The following ANPEP variants were observed in gnomAD, a reference collection of about 807,000 sequenced individuals.
ANPEP encodes aminopeptidase N.
In ANPEP, 70 loss-of-function variants were observed where a neutral mutation model predicts 114.6. The observed-to-expected ratio is 0.61, with a 90% confidence interval of 0.50 to 0.75. The LOEUF (loss-of-function observed/expected upper bound fraction) is 0.75, where lower values mean the gene tolerates loss of function less well. Ranked by LOEUF, ANPEP falls within the 30% of genes least tolerant of loss-of-function variation. The pLI, the probability that ANPEP is intolerant of heterozygous loss-of-function variation, is 0.00. For missense variants in ANPEP, 1,184 were observed against 1,259.5 expected (o/e 0.94, Z 0.91); for synonymous variants, 548 against 522.3 (o/e 1.05, Z -0.67).
Position 89,804,304 on chromosome 15 carries a change from G to A in ANPEP, c.1128C>T (p.Ser376=), listed in dbSNP as rs763610042. 1.2e-6 allele frequency: 2 copies of A among 1,614,086 alleles called. No individual in the cohort carries two copies. Among genetic ancestry groups the A allele is most frequent in the Non-Finnish European group, 1.7e-6 (2 of 1,180,046 alleles). Residue 376 remains serine (S), a synonymous_variant, in exon 6 of 21, where the codon AGC becomes AGT. Coordinates refer to ENST00000300060, the MANE Select transcript of ANPEP (RefSeq NM_001150.3). The part of the protein sequence containing the change: ...SLLFDPLSSS[S]SNKERVVTVI... ...CAGTGACCACCCGCTCCTTGTTGCT[G>A]CTGGAGGAGGACAGGGGGTCGAACA...
rs1894651194 is a variant in ANPEP at position 89,803,920 on chromosome 15, C to T, written c.1262G>A (p.Gly421Asp). ...EGFASYVEYL[G>D]ADYAEPTWNL... ...CCAGGTGGGCTCCGCATAGTCAGCACCCAGGTACTCCACGTAGGAGGCGAA... is the reference window on the plus strand; with the variant it reads ...CCAGGTGGGCTCCGCATAGTCAGCATCCAGGTACTCCACGTAGGAGGCGAA... The change falls in exon 7 of 21, where the codon GGT (glycine) becomes GAT (aspartate). Residue 421 changes from glycine (G) to aspartate (D), a missense_variant. Coordinates refer to ENST00000300060, the MANE Select transcript of ANPEP (RefSeq NM_001150.3). The surrounding 1 kb of genome is among the most constrained non-coding windows in gnomAD (Gnocchi z 4.2). The T allele has an allele frequency of 6.2e-7, 1 of 1,614,058 alleles. No homozygotes were observed. The highest frequency in any genetic ancestry group is 2.2e-5 in the East Asian group (1 of 44,886).
intron 15 of ANPEP, among the ~76,000 whole-genome samples, chr15:89,796,792 C>T (rs1019776240): frequency 1.8e-4 from 28 of 152,136 alleles, no homozygotes; most frequent in African/African-American, 5.1e-4. Flanking sequence ...CCACTGCACC[C>T]GGCCTGATAA....
intron 1 of ANPEP, among the ~76,000 whole-genome samples, chr15:89,812,273 T>C (rs1371066519): frequency 6.6e-6 from 1 of 152,234 alleles, no homozygotes; most frequent in Non-Finnish European, 1.5e-5. Context: ...CTGTGAACTA[T>C]GAGACTGGGA....
chr15:89,788,760 C>G (rs937426357), intron 20 of ANPEP, among the ~76,000 whole-genome samples: 2 of 146,352 alleles, frequency 1.4e-5, no homozygotes, highest in Non-Finnish European at 3.0e-5. Context: ...ACCACCATGC[C>G]CAGCTTATTT....
At chr15:89,809,118 C>T (rs994917121) in intron 1 of ANPEP, among the ~76,000 whole-genome samples, 4 of 152,314 alleles carry the variant, frequency 2.6e-5, no homozygotes, top group South Asian at 2.1e-4. Context: ...CCAGCTTGGG[C>T]GTGGTGAGAG....
rs556877083 is a variant in ANPEP, at chr15:89,803,588, G to T, written c.1437+59C>A. 6.9e-6 allele frequency: 11 copies of T among 1,601,020 alleles called. No homozygotes were observed. In the South Asian group the frequency reaches 1.2e-4, roughly 18 times the overall value. ...TGCCCCCAGACCCTGCCTTCAGTGA[G>T]GCCCCTCCAGGCCAAGTCCCCACCT... On this transcript the variant is annotated intron_variant, in intron 8 of 20. Coordinates refer to ENST00000300060, the MANE Select transcript of ANPEP (RefSeq NM_001150.3). This position sits in a 1 kb window ranked among gnomAD's most constrained non-coding sequence, Gnocchi z 4.2.
intron 16 of ANPEP, 25 bp downstream of exon 16, chr15:89,793,010 C>G: frequency 6.2e-7 from 1 of 1,605,080 alleles, no homozygotes; most frequent in Non-Finnish European, 8.5e-7. Context: ...CCAGGACTTC[C>G]AAACCCATGA....
chr15:89,806,524 C>A lies in ANPEP; in HGVS notation c.60G>T (p.Val20=). The change falls in exon 2 of 21, where the codon GTG becomes GTT. Residue 20 remains valine, a synonymous_variant. Transcript: ENST00000300060. The surrounding 1 kb of genome is among the most constrained non-coding windows in gnomAD (Gnocchi z 5.7). ...GTGCGATGATTGTGCACACGGCTGC[C>A]ACGCCCAGGAGGATCCCCAGGATGC... The part of the protein sequence containing the change: ...SLGILGILLG[V]AAVCTIIALS... 6.2e-7 allele frequency: 1 copy of A among 1,613,744 alleles called. No homozygotes were observed. Among genetic ancestry groups the A allele is most frequent in the Non-Finnish European group, 8.5e-7 (1 of 1,179,742 alleles).
chr15:89,800,718 C>T lies in ANPEP; in HGVS notation c.1819+393G>A, dbSNP rs951693118. ...CTGGGATTACAGGCATGCACCACCA[C>T]ACCTGGCTAATTTTGTATTTTTAGT... On this transcript the variant is annotated intron_variant, in intron 12 of 20. Coordinates refer to ENST00000300060, the MANE Select transcript of ANPEP (RefSeq NM_001150.3). Among the ~76,000 whole-genome samples, 69 of 152,064 alleles carry T rather than the reference C, an allele frequency of 4.5e-4. 2 individuals carry two copies. Among genetic ancestry groups the T allele is most frequent in the Non-Finnish European group, 1.5e-5 (1 of 68,000 alleles).
chr15:89,809,161 G>A (rs558853267), intron 1 of ANPEP, among the ~76,000 whole-genome samples: 5 of 152,320 alleles, frequency 3.3e-5, no homozygotes, highest in Admixed American at 2.6e-4. Flanking sequence ...ATGCTGCCAG[G>A]CTCCTCCCAT....
intron 20 of ANPEP, among the ~76,000 whole-genome samples, chr15:89,787,999 G>A (rs1040646065): frequency 6.6e-6 from 1 of 152,226 alleles, no homozygotes; most frequent in East Asian, 1.9e-4. Flanking sequence ...TGTAGACATG[G>A]AGCAATTAGA....
chr15:89,790,922 G>A (rs768013713), intron 19 of ANPEP, 31 bp downstream of exon 19: 16 of 1,608,798 alleles, frequency 9.9e-6, no homozygotes, highest in Middle Eastern at 3.3e-4. Flanking sequence ...CTCGGCGCTC[G>A]CTGTCCCTGA....
chr15:89,786,600 G>C (rs1270554360), intron 20 of ANPEP, among the ~76,000 whole-genome samples: 1 of 151,970 alleles, frequency 6.6e-6, no homozygotes, highest in African/African-American at 2.4e-5. Flanking sequence ...GGTTGAGGTG[G>C]GGGGATCACC....
intron 14 of ANPEP, among the ~76,000 whole-genome samples, chr15:89,798,895 C>T (rs1026887912): frequency 3.3e-5 from 5 of 152,162 alleles, no homozygotes; most frequent in East Asian, 1.9e-4. Context: ...GCTGAGATCG[C>T]GCCACTGTAC....
rs890795933 is a variant in ANPEP, at chr15:89,785,243, G to C, written c.*106C>G. ...GCTGGAGACTTTGTCCTTGAGGGGA[G>C]GACACTGGTGCCTCGGGCTCCAGGA... On this transcript the variant is annotated 3_prime_UTR_variant, in exon 21 of 21. Coordinates refer to ENST00000300060, the MANE Select transcript of ANPEP (RefSeq NM_001150.3). The C allele has an allele frequency of 2.8e-6, 4 of 1,431,402 alleles. No individual in the cohort carries two copies. The Admixed American group carries it at 7.5e-5, about 27-fold the overall frequency. 88.7% of individuals were successfully genotyped at this position (1,431,402 alleles called of 1,614,324 possible).
In ANPEP at chr15:89,804,336, A is replaced by T; in HGVS notation, c.1096T>A (p.Ser366Thr). ...NWGLVTYRENSLLFDPLSSSS... is the reference protein window; with the variant it reads ...NWGLVTYRENTLLFDPLSSSS... ...GAGGACAGGGGGTCGAACAGCAGGGAGTTCTCCCGGTAGGTCACCAGTCCC... is the reference window on the plus strand; with the variant it reads ...GAGGACAGGGGGTCGAACAGCAGGGTGTTCTCCCGGTAGGTCACCAGTCCC... Residue 366 changes from serine (S) to threonine (T), a missense_variant, in exon 6 of 21, where the codon TCC (serine) becomes ACC (threonine). Physicochemically the swap from Ser to Thr is moderately conservative, Grantham distance 58. Transcript: ENST00000300060. 2 of 1,614,090 alleles carry T rather than the reference A, an allele frequency of 1.2e-6. No individual in the cohort carries two copies. The highest frequency in any genetic ancestry group is 1.7e-6 in the Non-Finnish European group (2 of 1,179,994).
In ANPEP at chr15:89,804,524, G is replaced by C; in HGVS notation, c.991C>G (p.His331Asp). The C allele has an allele frequency of 6.2e-7, 1 of 1,614,214 alleles. No individual in the cohort carries two copies. Residue 331 changes from histidine (H) to aspartate (D), a missense_variant, in exon 5 of 21, where the codon CAT becomes GAT. His to Asp is a moderately conservative substitution (Grantham distance 81). Coordinates refer to ENST00000300060, the MANE Select transcript of ANPEP (RefSeq NM_001150.3). ...GGGAGTGGGTAGGGTGTGTCATAAT[G>C]ACCAGCAAAGAAGTTAAGGATGGGG... ...TGPILNFFAG[H>D]YDTPYPLPKS...
intron 15 of ANPEP, among the ~76,000 whole-genome samples, chr15:89,796,458 A>G (rs1263334398): frequency 6.6e-6 from 1 of 151,988 alleles, no homozygotes; most frequent in African/African-American, 2.4e-5. Flanking sequence ...CTCATTTACC[A>G]TAATGGATAT....
chr15:89,789,103 C>T (rs1968566595), intron 20 of ANPEP, among the ~76,000 whole-genome samples: 1 of 151,908 alleles, frequency 6.6e-6, no homozygotes, highest in South Asian at 2.1e-4. Flanking sequence ...CCACAGCCTC[C>T]CGAGTAGCTG....
Sources: allele counts gnomAD v4.1 joint callset (sites outside exome capture counted in the v4.1 genomes callset), GRCh38; gene constraint gnomAD v4.1.1; non-coding constraint Gnocchi (gnomAD v3.1); transcripts MANE v1.5; gene names NCBI Gene and HGNC (gene_info 2026-07-23, HGNC 2026-07-21).